Variants in HMGB1 observed in about 807,000 individuals in gnomAD.
HMGB1 encodes the protein high mobility group protein B1.
For synonymous variants in HMGB1, 81 were observed against 84.0 expected (o/e 0.96, Z 0.19); for missense variants, 79 against 253.5 (o/e 0.31, Z 4.67).
chr13:30,571,232 A>C (rs953819957), intron 1 of HMGB1, among the ~76,000 whole-genome samples: 1 of 152,002 alleles, frequency 6.6e-6, no homozygotes, highest in Non-Finnish European at 1.5e-5. Context: ...AGAAAGTTTG[A>C]CAACTTAAAA....
intron 1 of HMGB1, among the ~76,000 whole-genome samples, chr13:30,562,023 G>C (rs1869974830): frequency 6.6e-6 from 1 of 152,114 alleles, no homozygotes; most frequent in African/African-American, 2.4e-5. Context: ...GTCTTATACA[G>C]AAGTTGTGAT....
rs935675381 is a variant in HMGB1 at position 30,459,210 on chromosome 13, G to A, written c.*2147C>T. 6.6e-6 allele frequency: 1 copy of A among 152,066 alleles called. No individual in the cohort carries two copies. The highest frequency in any genetic ancestry group is 1.5e-5 in the Non-Finnish European group (1 of 68,008). The allele number at this position is 152,066 out of a possible 1,614,324, so 9.4% of individuals were successfully genotyped here. On this transcript the variant is annotated 3_prime_UTR_variant, in exon 5 of 5. Coordinates refer to ENST00000341423, the MANE Select transcript of HMGB1 (RefSeq NM_002128.7). ...TTGCCTCCCACTTCCATTTACTTGAGTTTTAGACATCCAACTTCTAGGGGA... is the reference window on the plus strand; with the variant it reads ...TTGCCTCCCACTTCCATTTACTTGAATTTTAGACATCCAACTTCTAGGGGA...
intron 1 of HMGB1, among the ~76,000 whole-genome samples, chr13:30,573,650 C>CT (rs774433276): frequency 0.021 from 2,761 of 132,402 alleles, 72 homozygotes; most frequent in African/African-American, 0.063. Context: ...CTAGCATTTT[C>CT]TTTTTTTTTT....
chr13:30,475,218 T>TCC (rs2137425090), intron 1 of HMGB1, among the ~76,000 whole-genome samples: 1 of 90,866 alleles, frequency 1.1e-5, no homozygotes, highest in South Asian at 4.5e-4. Context: ...ACTGTCTCTC[T>TCC]CTCTCTCTTT....
intron 1 of HMGB1, among the ~76,000 whole-genome samples, chr13:30,614,566 C>T (rs1950542683): frequency 6.6e-6 from 1 of 152,180 alleles, no homozygotes; most frequent in African/African-American, 2.4e-5. Context: ...TGTAAGGTCA[C>T]ACAGCAGAAG....
chr13:30,610,718 A>G (rs1950505537), intron 1 of HMGB1, among the ~76,000 whole-genome samples: 1 of 148,336 alleles, frequency 6.7e-6, no homozygotes. Context: ...AGATCTGTAA[A>G]TCTAATGCCT....
At chr13:30,502,417 C>T (rs940230852) in intron 1 of HMGB1, among the ~76,000 whole-genome samples, 2 of 152,160 alleles carry the variant, frequency 1.3e-5, no homozygotes, top group African/African-American at 4.8e-5. Context: ...CATCCCCCAT[C>T]TCAGTTCCTT....
intron 1 of HMGB1, among the ~76,000 whole-genome samples, chr13:30,502,297 AG>A (rs1887751276): frequency 6.6e-6 from 1 of 152,196 alleles, no homozygotes; most frequent in Non-Finnish European, 1.5e-5. Flanking sequence ...GGATTACAGC[AG>A]TGAATAAAAC....
intron 1 of HMGB1, among the ~76,000 whole-genome samples, chr13:30,485,352 T>C (rs1887341133): frequency 6.6e-6 from 1 of 152,170 alleles, no homozygotes; most frequent in Admixed American, 6.5e-5. Context: ...CAAATGTACT[T>C]TTAAGATGAG....
intron 1 of HMGB1, chr13:30,542,773 A>T (rs1244101342): frequency 9.8e-6 from 2 of 203,718 alleles, no homozygotes; most frequent in African/African-American, 4.7e-5. Flanking sequence ...TTCTGGACAC[A>T]CAACGTTGGA....
intron 1 of HMGB1, among the ~76,000 whole-genome samples, chr13:30,530,713 A>T (rs1383773398): frequency 6.6e-6 from 1 of 152,178 alleles, no homozygotes; most frequent in Non-Finnish European, 1.5e-5. Flanking sequence ...TTGTGGAAAG[A>T]CTTTTTTTAT....
chr13:30,599,090 T>C (rs955064564), intron 1 of HMGB1, among the ~76,000 whole-genome samples: 1 of 152,108 alleles, frequency 6.6e-6, no homozygotes. Context: ...CCAACAGTTT[T>C]AGTTTTGAAA....
Position 30,512,149 on chromosome 13 carries a change from TA to T in HMGB1, c.-14-48456del, listed in dbSNP as rs111463825. Among the ~76,000 whole-genome samples, 867 of 143,956 alleles carry T rather than the reference TA, an allele frequency of 6.0e-3. 5 individuals are homozygous for T. The highest frequency in any genetic ancestry group is 0.018 in the African/African-American group (706 of 39,566). The allele number at this position is 143,956 out of a possible 152,430, so 94.4% of individuals were successfully genotyped here. Reference sequence around the variant, plus strand: ...GGCAACATAGTGAGAGCTTGTCTCTTAAAAAAAAAAAAGATTGATTGGCAAG... The same window carrying T: ...GGCAACATAGTGAGAGCTTGTCTCTTAAAAAAAAAAAGATTGATTGGCAAG... On this transcript the variant is annotated intron_variant, in intron 1 of 4. Transcript: ENST00000405805.
intron 1 of HMGB1, among the ~76,000 whole-genome samples, chr13:30,497,971 C>A (rs1049139610): frequency 1.3e-5 from 2 of 152,120 alleles, no homozygotes; most frequent in African/African-American, 4.8e-5. Flanking sequence ...TGGGTATATA[C>A]CCAGTAATGG....
intron 1 of HMGB1, among the ~76,000 whole-genome samples, chr13:30,614,789 C>T (rs1451275971): frequency 2.6e-5 from 4 of 152,164 alleles, no homozygotes; most frequent in East Asian, 1.9e-4. Flanking sequence ...CTCTGACCCC[C>T]GGGGTTCAAG....
chr13:30,572,523 A>G (rs1473085426), intron 1 of HMGB1, among the ~76,000 whole-genome samples: 1 of 152,212 alleles, frequency 6.6e-6, no homozygotes, highest in Non-Finnish European at 1.5e-5. Context: ...CAACTCTGCT[A>G]ATTAACTGAA....
At chr13:30,534,474 T>C (rs1049315214) in intron 1 of HMGB1, among the ~76,000 whole-genome samples, 3 of 152,220 alleles carry the variant, frequency 2.0e-5, no homozygotes, top group South Asian at 2.1e-4. Flanking sequence ...AAGGAGAGCC[T>C]TGTCAACTTT....
At chr13:30,546,650 A>G (rs1869172813) in intron 1 of HMGB1, among the ~76,000 whole-genome samples, 1 of 151,866 alleles carries the variant, frequency 6.6e-6, no homozygotes, top group Non-Finnish European at 1.5e-5. Flanking sequence ...TGCCCAGCTA[A>G]TTTTTGTATT....
At chr13:30,523,615 G>T (rs182264631) in intron 1 of HMGB1, among the ~76,000 whole-genome samples, 68 of 152,238 alleles carry the variant, frequency 4.5e-4, no homozygotes, top group Admixed American at 8.5e-4. Context: ...GCATATGCTG[G>T]TGTGGTTGAA....
Sources: gnomAD v4.1 joint callset for allele counts (sites outside exome capture counted in the v4.1 genomes callset) on GRCh38, gnomAD v4.1.1 for gene constraint, MANE v1.5 for transcripts, NCBI Gene and HGNC (gene_info 2026-07-23, HGNC 2026-07-21) for gene names.